Variants in PSME4 observed in about 807,000 individuals in gnomAD.
The protein encoded by PSME4 is proteasome activator complex subunit 4.
A neutral mutation model predicts 253.9 loss-of-function variants in PSME4; 89 were observed. The ratio of observed to expected loss-of-function variants is 0.35; its 90% confidence interval spans 0.30 to 0.42. PSME4 has a LOEUF of 0.42. Ranked by LOEUF, PSME4 falls within the 10% of genes least tolerant of loss-of-function variation. The probability of loss-of-function intolerance (pLI) is 1.00; values close to 1 mark genes in which losing one functional copy is unlikely to be tolerated. For synonymous variants in PSME4, 851 were observed against 759.2 expected (o/e 1.12, Z -1.99); for missense variants, 2,014 against 2,195.2 (o/e 0.92, Z 1.65).
intron 19 of PSME4, 44 bp downstream of exon 19, chr2:53,920,149 T>G (rs1296909064): frequency 1.3e-6 from 2 of 1,510,662 alleles, no homozygotes; most frequent in South Asian, 1.3e-5. Flanking sequence ...AAAAGACTTC[T>G]TTAGTCTGCA....
At chr2:53,872,140 T>G (rs1421693694) in intron 43 of PSME4, among the ~76,000 whole-genome samples, 2 of 152,334 alleles carry the variant, frequency 1.3e-5, no homozygotes, top group East Asian at 1.9e-4. Context: ...TCCAACTGAT[T>G]TATGCTCTTT....
chr2:53,963,989 G>A (rs894966690), intron 1 of PSME4, among the ~76,000 whole-genome samples: 8 of 152,082 alleles, frequency 5.3e-5, no homozygotes, highest in African/African-American at 1.9e-4. Flanking sequence ...TCATTATATT[G>A]TCTTTTGAAT....
intron 31 of PSME4, among the ~76,000 whole-genome samples, chr2:53,897,666 T>TCCC (rs1177443790): frequency 1.3e-5 from 2 of 152,196 alleles, no homozygotes; most frequent in Non-Finnish European, 2.9e-5. Context: ...TCCTGCTATA[T>TCCC]CCCCAGTCTT....
intron 21 of PSME4, among the ~76,000 whole-genome samples, chr2:53,909,268 A>G (rs994469580): frequency 1.8e-4 from 27 of 152,192 alleles, no homozygotes; most frequent in Admixed American, 5.9e-4. Flanking sequence ...CAATTAATGT[A>G]TGTAACTTTG....
At chr2:53,888,905 G>A (rs936312543) in intron 37 of PSME4, 93 bp from the exon 38 acceptor site, 17 of 1,068,802 alleles carry the variant, frequency 1.6e-5, no homozygotes, top group Non-Finnish European at 1.1e-5. Flanking sequence ...TTATTTTTGA[G>A]GCTAGGTCTA....
intron 41 of PSME4, among the ~76,000 whole-genome samples, chr2:53,879,854 A>C (rs1462625561): frequency 6.6e-6 from 1 of 151,612 alleles, no homozygotes; most frequent in Non-Finnish European, 1.5e-5. Flanking sequence ...TTAATTATTG[A>C]ACATCAACTG....
chr2:53,910,093 A>G lies in PSME4; in HGVS notation c.2554T>C (p.Tyr852His), dbSNP rs1475504712. The G allele has an allele frequency of 6.2e-7, 1 of 1,609,022 alleles. No individual in the cohort carries two copies. Among genetic ancestry groups the G allele is most frequent in the African/African-American group, 1.3e-5 (1 of 74,868 alleles). The change falls in exon 21 of 47, where the codon TAT becomes CAT. Residue 852 changes from tyrosine (Y) to histidine (H), a missense_variant. By Grantham distance (83) the Tyr-to-His change is moderately conservative (BLOSUM62 2). Coordinates refer to ENST00000404125, the MANE Select transcript of PSME4 (RefSeq NM_014614.3). ...CACATACCATATTCAAGTCCAGTATACAACTTTGTCTCTTCCAAGGACACC... is the reference window on the plus strand; with the variant it reads ...CACATACCATATTCAAGTCCAGTATGCAACTTTGTCTCTTCCAAGGACACC... Reference protein sequence around the residue: ...SMVSLEETKLYTGLEYDLSRE... With the variant: ...SMVSLEETKLHTGLEYDLSRE...
At chr2:53,936,258 T>G in intron 6 of PSME4, 97 bp from the exon 7 acceptor site, 1 of 1,540,110 alleles carries the variant, frequency 6.5e-7, no homozygotes. Context: ...TTGGCAATCA[T>G]TAGTGCAATC....
chr2:53,900,980 T>C (rs1362873991), intron 28 of PSME4, among the ~76,000 whole-genome samples: 1 of 152,212 alleles, frequency 6.6e-6, no homozygotes, highest in African/African-American at 2.4e-5. Flanking sequence ...TTCTTCACTA[T>C]AAATTACGAA....
chr2:53,969,597 A>G (rs2104497169), intron 1 of PSME4, among the ~76,000 whole-genome samples: 1 of 152,270 alleles, frequency 6.6e-6, no homozygotes, highest in Middle Eastern at 3.4e-3. Flanking sequence ...AGATACAGCA[A>G]AATTCTTTCT....
In PSME4 at chr2:53,891,971, A is replaced by G. The variant is rs367548756; in HGVS notation, c.4191+837T>C. ...AGGAAGGAATTCTTCAATCAGCAGGAAGGGTTTGAGACAAAATTTCCAGTG... is the reference window on the plus strand; with the variant it reads ...AGGAAGGAATTCTTCAATCAGCAGGGAGGGTTTGAGACAAAATTTCCAGTG... On this transcript the variant is annotated intron_variant, in intron 36 of 46. Coordinates refer to ENST00000404125, the MANE Select transcript of PSME4 (RefSeq NM_014614.3). Among the ~76,000 whole-genome samples the G allele has an allele frequency of 4.6e-5, 7 of 152,232 alleles. No individual in the cohort carries two copies. The South Asian group carries it at 1.5e-3, about 32-fold the overall frequency.
chr2:53,913,703 T>A (rs1047603587), intron 20 of PSME4, among the ~76,000 whole-genome samples: 1 of 152,226 alleles, frequency 6.6e-6, no homozygotes, highest in African/African-American at 2.4e-5. Context: ...AACCTGGCTC[T>A]TATCCTGCCA....
chr2:53,892,763 CAT>C (rs751072560), intron 36 of PSME4, 43 bp downstream of exon 36: 8 of 1,559,948 alleles, frequency 5.1e-6, no homozygotes, highest in South Asian at 1.2e-5. Context: ...AAATGGGTAA[CAT>C]AGCTTTAACA....
At chr2:53,872,519 T>C (rs1459164940) in intron 43 of PSME4, among the ~76,000 whole-genome samples, 7 of 151,842 alleles carry the variant, frequency 4.6e-5, no homozygotes, top group African/African-American at 1.2e-4. Flanking sequence ...GGCGGGTAGA[T>C]TGCTTGGGCC....
At position 53,963,613 on chromosome 2, in the gene PSME4, A is replaced by T. The variant is rs76059256; in HGVS notation, c.242+6930T>A. Reference sequence around the variant, plus strand: ...TAAGTCTTCAAAGGTAAAAGGCAGAAATGAAAGATGTCATAATGTGAAAAT... The same window carrying T: ...TAAGTCTTCAAAGGTAAAAGGCAGATATGAAAGATGTCATAATGTGAAAAT... On this transcript the variant is annotated intron_variant, in intron 1 of 46. Transcript: ENST00000404125. 2.7e-4 allele frequency among the ~76,000 whole-genome samples: 41 copies of T among 152,330 alleles called. 2 individuals carry two copies. The East Asian group carries it at 7.3e-3, about 27-fold the overall frequency.
At chr2:53,876,429 T>C (rs1679122835) in intron 41 of PSME4, among the ~76,000 whole-genome samples, 1 of 152,122 alleles carries the variant, frequency 6.6e-6, no homozygotes, top group African/African-American at 2.4e-5. Context: ...GATGTAAAGG[T>C]CTGACTTTAT....
intron 45 of PSME4, 89 bp downstream of exon 45, chr2:53,866,654 CAGTT>C: frequency 7.5e-7 from 1 of 1,332,848 alleles, no homozygotes; most frequent in South Asian, 1.6e-5. Flanking sequence ...TTTATGAAAG[CAGTT>C]AGTTCAGAGT....
At chr2:53,925,730 C>A in intron 13 of PSME4, 41 bp from the exon 14 acceptor site, 2 of 1,574,404 alleles carry the variant, frequency 1.3e-6, no homozygotes, top group Non-Finnish European at 1.7e-6. Context: ...CAACTAAAAT[C>A]TGGTTTGACA....
Position 53,919,263 on chromosome 2 carries a change from GAC to G in PSME4, c.2421-19_2421-18del, listed in dbSNP as rs759027940. The G allele has an allele frequency of 7.8e-5, 120 of 1,529,418 alleles. No individual in the cohort carries two copies. Among genetic ancestry groups the G allele is most frequent in the Non-Finnish European group, 1.0e-4 (117 of 1,141,644 alleles). The allele number at this position is 1,529,418 out of a possible 1,614,324, so 94.7% of individuals were successfully genotyped here. ...ATATCATCTCTAGAAAAAAAAAAAA[GAC>G]ATTTTCATATTTCCAAATCCCTATT... On this transcript the variant is annotated intron_variant, in intron 19 of 46. Coordinates refer to ENST00000404125, the MANE Select transcript of PSME4 (RefSeq NM_014614.3).
Sources: allele counts gnomAD v4.1 joint callset (sites outside exome capture counted in the v4.1 genomes callset), GRCh38; gene constraint gnomAD v4.1.1; transcripts MANE v1.5; gene names NCBI Gene and HGNC (gene_info 2026-07-23, HGNC 2026-07-21).